NAALADL2: variants seen among roughly 807,000 people sequenced by gnomAD.
The protein encoded by NAALADL2 is N-acetylated alpha-linked acidic dipeptidase like 2.
NAALADL2 carries 76 observed loss-of-function variants against 87.2 expected under a neutral mutation model. The ratio of observed to expected loss-of-function variants is 0.87; its 90% CI spans 0.72 to 1.05. NAALADL2 has a LOEUF of 1.05. NAALADL2 is among the 50% of genes least tolerant of loss of function. The pLI, the probability that NAALADL2 is intolerant of heterozygous loss-of-function variation, is 0.00. For synonymous variants in NAALADL2, 354 were observed against 331.0 expected (o/e 1.07, Z -0.75); for missense variants, 1,089 against 945.8 (o/e 1.15, Z -1.99).
chr3:175,181,751 ATATG>A (rs1290746761), intron 2 of NAALADL2, among the ~76,000 whole-genome samples: 9 of 128,668 alleles, frequency 7.0e-5, no homozygotes, highest in Admixed American at 1.6e-4. Context: ...ATATGTATAT[ATATG>A]TGTGTATATA....
chr3:174,604,343 T>C (rs186146001), intron 2 of NAALADL2, among the ~76,000 whole-genome samples: 2 of 152,358 alleles, frequency 1.3e-5, no homozygotes, highest in African/African-American at 4.8e-5. Context: ...TTTTAGTCTT[T>C]GTCTTGAAAT....
intron 1 of NAALADL2, among the ~76,000 whole-genome samples, chr3:174,925,837 AC>A (rs1425523291): frequency 6.6e-6 from 1 of 152,152 alleles, no homozygotes; most frequent in Admixed American, 6.6e-5. Context: ...TTTGCCAGCA[AC>A]AGAACAAAGC....
intron 1 of NAALADL2, among the ~76,000 whole-genome samples, chr3:174,983,078 G>A (rs561894094): frequency 2.6e-5 from 4 of 152,294 alleles, no homozygotes; most frequent in South Asian, 4.1e-4. Flanking sequence ...GATTACAGGC[G>A]TGAGCCACCG....
At chr3:175,478,317 G>A (rs1030035797) in intron 9 of NAALADL2, among the ~76,000 whole-genome samples, 5 of 151,808 alleles carry the variant, frequency 3.3e-5, no homozygotes, top group South Asian at 2.1e-4. Flanking sequence ...TTACCACTTC[G>A]ATAAAGATTC....
chr3:174,632,337 A>G (rs1352816858), intron 2 of NAALADL2, among the ~76,000 whole-genome samples: 2 of 152,322 alleles, frequency 1.3e-5, no homozygotes, highest in East Asian at 3.9e-4. Flanking sequence ...GTTTTAAATA[A>G]CTAATAAGCA....
chr3:174,896,185 A>G lies in NAALADL2; in HGVS notation c.43+36735A>G, dbSNP rs980496060. 2.0e-5 allele frequency among the ~76,000 whole-genome samples: 3 copies of G among 152,100 alleles called. No individual in the cohort carries two copies. The East Asian group carries it at 5.8e-4, about 29-fold the overall frequency. ...AGTACTGGAAATCCTAGCTAGCACA[A>G]TCAGACAAGAGAAAAATTTAAAGGA... On this transcript the variant is annotated intron_variant, in intron 1 of 13. Coordinates refer to ENST00000454872, the MANE Select transcript of NAALADL2 (RefSeq NM_207015.3).
chr3:174,441,564 G>A (rs1014715981), intron 1 of NAALADL2, among the ~76,000 whole-genome samples: 1 of 152,186 alleles, frequency 6.6e-6, no homozygotes, highest in Non-Finnish European at 1.5e-5. Flanking sequence ...GGACGCCCAG[G>A]ATGGCTTTCT....
chr3:174,962,291 T>C (rs1742121585), intron 1 of NAALADL2, among the ~76,000 whole-genome samples: 2 of 146,698 alleles, frequency 1.4e-5, no homozygotes, highest in Non-Finnish European at 3.0e-5. Flanking sequence ...ATTCCTACAT[T>C]GTATTTAAGT....
intron 12 of NAALADL2, among the ~76,000 whole-genome samples, chr3:175,750,840 A>G (rs1486693023): frequency 6.6e-6 from 1 of 152,132 alleles, no homozygotes; most frequent in Non-Finnish European, 1.5e-5. Context: ...CTAGATCAGG[A>G]ATTTATTAAG....
intron 3 of NAALADL2, among the ~76,000 whole-genome samples, chr3:174,746,280 C>T (rs2109023198): frequency 6.6e-6 from 1 of 152,168 alleles, no homozygotes; most frequent in Admixed American, 6.5e-5. Context: ...TTCTTATACA[C>T]CAACAATGAA....
chr3:175,763,664 T>A (rs1748325843), intron 13 of NAALADL2, among the ~76,000 whole-genome samples: 1 of 152,134 alleles, frequency 6.6e-6, no homozygotes. Context: ...TGACAAAGGA[T>A]TTCTATTAAT....
At chr3:175,691,255 TAATATA>T (rs1737004045) in intron 11 of NAALADL2, among the ~76,000 whole-genome samples, 1 of 150,594 alleles carries the variant, frequency 6.6e-6, no homozygotes, top group African/African-American at 2.4e-5. Context: ...TACACACAGA[TAATATA>T]TATATATATA....
In NAALADL2 at chr3:174,689,397, C is replaced by CT. The variant is rs58366472; in HGVS notation, c.-114-48236dup. ...AATCCCCCTCTACCCCCCGCTTCAC[C>CT]TTTTTTTTACCAGTTTGAGCAATGG... is the stretch of plus-strand genomic sequence containing the variant. On this transcript the variant is annotated intron_variant, in intron 2 of 3. Transcript: ENST00000434257. Among the ~76,000 whole-genome samples the CT allele has an allele frequency of 3.1e-3, 459 of 149,552 alleles. 2 individuals carry two copies. The highest frequency in any genetic ancestry group is 3.8e-3 in the Non-Finnish European group (257 of 67,364).
chr3:175,211,574 G>A (rs1404922531), intron 2 of NAALADL2, among the ~76,000 whole-genome samples: 1 of 151,852 alleles, frequency 6.6e-6, no homozygotes, highest in African/African-American at 2.4e-5. Flanking sequence ...CATTCCTACA[G>A]ATTCCTAACT....
chr3:175,741,300 G>A (rs59302013), intron 12 of NAALADL2, among the ~76,000 whole-genome samples: 18,360 of 152,206 alleles, frequency 0.12, 1,180 homozygotes, highest in Middle Eastern at 0.18. Flanking sequence ...TGGTAGAAGG[G>A]TTGAGGGAGC....
intron 9 of NAALADL2, among the ~76,000 whole-genome samples, chr3:175,506,472 T>C (rs1336981039): frequency 6.6e-6 from 1 of 152,242 alleles, no homozygotes; most frequent in Non-Finnish European, 1.5e-5. Context: ...AGATAAAATA[T>C]GTTATCTACC....
At chr3:175,102,505 G>A (rs1189839410) in intron 2 of NAALADL2, among the ~76,000 whole-genome samples, 1 of 151,950 alleles carries the variant, frequency 6.6e-6, no homozygotes, top group African/African-American at 2.4e-5. Context: ...GTATTTAAAG[G>A]TTCAGAAACT....
intron 5 of NAALADL2, among the ~76,000 whole-genome samples, chr3:175,343,814 G>A (rs560399566): frequency 6.6e-6 from 1 of 151,686 alleles, no homozygotes; most frequent in Non-Finnish European, 1.5e-5. Context: ...AGTGAAAGAG[G>A]GCAGTAGAAA....
At chr3:175,688,120 T>C (rs1261792362) in intron 11 of NAALADL2, among the ~76,000 whole-genome samples, 1 of 152,134 alleles carries the variant, frequency 6.6e-6, no homozygotes, top group African/African-American at 2.4e-5. Context: ...GTTAAGATAC[T>C]AAAGTTAAGG....
Sources: allele counts gnomAD v4.1 joint callset (sites outside exome capture counted in the v4.1 genomes callset), GRCh38; gene constraint gnomAD v4.1.1; transcripts MANE v1.5; gene names NCBI Gene and HGNC (gene_info 2026-07-23, HGNC 2026-07-21).